Variants in BACH2 observed in about 807,000 individuals in gnomAD.
The protein encoded by BACH2 is transcription regulator protein BACH2.
In BACH2, 5 loss-of-function variants were observed where a neutral mutation model predicts 61.8. That is an observed-to-expected ratio of 0.08 (90% CI 0.04 to 0.17). The LOEUF is 0.17. Among genes scored for constraint, BACH2 ranks in the 10% least tolerant of loss-of-function variants. BACH2 has a pLI of 1.00. For missense variants in BACH2, 824 were observed against 1,091.1 expected (o/e 0.76, Z 3.45); for synonymous variants, 446 against 440.1 (o/e 1.01, Z -0.17).
At chr6:89,962,094 C>T (rs1774777095) in intron 6 of BACH2, among the ~76,000 whole-genome samples, 1 of 150,912 alleles carries the variant, frequency 6.6e-6, no homozygotes, top group Admixed American at 6.6e-5. Context: ...AATTACGATG[C>T]AATTTCTGAT....
At chr6:90,058,323 C>G (rs997696476) in intron 5 of BACH2, among the ~76,000 whole-genome samples, 2 of 152,222 alleles carry the variant, frequency 1.3e-5, no homozygotes. Context: ...TTCTTATACA[C>G]CAATAACAGA....
chr6:90,033,255 T>G (rs1278117699), intron 5 of BACH2, among the ~76,000 whole-genome samples: 1 of 151,412 alleles, frequency 6.6e-6, no homozygotes, highest in Non-Finnish European at 1.5e-5. Flanking sequence ...ATACCTAATG[T>G]TAAATGACGT....
intron 5 of BACH2, among the ~76,000 whole-genome samples, chr6:90,081,750 A>G (rs1213251785): frequency 6.6e-6 from 1 of 152,142 alleles, no homozygotes; most frequent in African/African-American, 2.4e-5. Context: ...TGCTTACTAA[A>G]TACTTCCTAT....
At chr6:90,203,464 A>G (rs1769028182) in intron 4 of BACH2, among the ~76,000 whole-genome samples, 1 of 151,786 alleles carries the variant, frequency 6.6e-6, no homozygotes, top group Non-Finnish European at 1.5e-5. Context: ...AAGATTGGAA[A>G]GTCAGCTCTT....
chr6:90,291,706 A>C (rs1772184884), intron 1 of BACH2, among the ~76,000 whole-genome samples: 1 of 152,086 alleles, frequency 6.6e-6, no homozygotes, highest in Admixed American at 6.5e-5. Context: ...TTTGGACATG[A>C]ACAGTTTGTA....
intron 4 of BACH2, among the ~76,000 whole-genome samples, chr6:90,109,075 C>T (rs1251130369): frequency 1.3e-5 from 2 of 152,318 alleles, no homozygotes; most frequent in Non-Finnish European, 2.9e-5. Context: ...CCTTTCTCTG[C>T]CCCTGTTCTG....
intron 3 of BACH2, among the ~76,000 whole-genome samples, chr6:90,220,156 A>G (rs1769691958): frequency 6.6e-6 from 1 of 152,166 alleles, no homozygotes; most frequent in Non-Finnish European, 1.5e-5. Flanking sequence ...AATGTTTCCA[A>G]AGTATTTACC....
intron 5 of BACH2, among the ~76,000 whole-genome samples, chr6:90,024,031 C>G (rs1778510292): frequency 1.3e-5 from 2 of 152,200 alleles, no homozygotes; most frequent in Non-Finnish European, 2.9e-5. Context: ...GAAAGGGACA[C>G]CGTGGGGTTT....
At chr6:90,243,849 T>C (rs1203346713) in intron 3 of BACH2, among the ~76,000 whole-genome samples, 3 of 152,214 alleles carry the variant, frequency 2.0e-5, no homozygotes, top group African/African-American at 7.2e-5. Flanking sequence ...CATCTACCTT[T>C]ATGTAGTAAA....
At chr6:90,264,279 G>A (rs931237416) in intron 2 of BACH2, among the ~76,000 whole-genome samples, 1 of 152,098 alleles carries the variant, frequency 6.6e-6, no homozygotes, top group Non-Finnish European at 1.5e-5. Flanking sequence ...CAGAAATGAT[G>A]CTGAGGTCTT....
At chr6:90,111,990 A>G (rs1783192691) in intron 4 of BACH2, among the ~76,000 whole-genome samples, 1 of 152,258 alleles carries the variant, frequency 6.6e-6, no homozygotes, top group Non-Finnish European at 1.5e-5. Context: ...ATGTAAGGTA[A>G]GGGAAATGAT....
chr6:90,031,007 T>C (rs1222904197), intron 5 of BACH2, among the ~76,000 whole-genome samples: 1 of 131,830 alleles, frequency 7.6e-6, no homozygotes, highest in Non-Finnish European at 1.5e-5. Flanking sequence ...TTATCCACCA[T>C]GATCAAGTGG....
Position 89,987,677 on chromosome 6 carries a change from G to A in BACH2, c.243+20925C>T, listed in dbSNP as rs150728895. On this transcript the variant is annotated intron_variant, in intron 6 of 8. Transcript: ENST00000257749. ...TCACGGTTGTATAAAATGGAGGAAG[G>A]AGCTCTCTTCAGTGGTGGTGAGCTC... Among the ~76,000 whole-genome samples, 12 of 152,182 alleles carry A rather than the reference G, an allele frequency of 7.9e-5. No individual in the cohort carries two copies. In the East Asian group the frequency reaches 2.3e-3, roughly 29 times the overall value.
At chr6:90,167,258 A>ACT (rs1232238208) in intron 4 of BACH2, among the ~76,000 whole-genome samples, 22 of 152,354 alleles carry the variant, frequency 1.4e-4, no homozygotes, top group Middle Eastern at 6.8e-3. Context: ...TTAAAAAACT[A>ACT]GTTAGTGAAC....
At chr6:90,089,594 A>G (rs1272842190) in intron 4 of BACH2, among the ~76,000 whole-genome samples, 1 of 152,192 alleles carries the variant, frequency 6.6e-6, no homozygotes, top group Non-Finnish European at 1.5e-5. Flanking sequence ...TTTAAAATTA[A>G]TATTTATTTT....
In BACH2 at chr6:89,932,193, T is replaced by G. The variant is rs1772692123; in HGVS notation, c.*215A>C. On this transcript the variant is annotated 3_prime_UTR_variant, in exon 9 of 9. Transcript: ENST00000257749. ...CAGTGTCATCACTGCTGTCTTTCCT[T>G]GCCTGGGCAAGGGGTAGCACCATTG... 1.6e-6 allele frequency: 1 copy of G among 610,618 alleles called. No homozygotes were observed. Among genetic ancestry groups the G allele is most frequent in the Non-Finnish European group, 2.8e-6 (1 of 359,438 alleles). 37.8% of individuals were successfully genotyped at this position (610,618 alleles called of 1,614,324 possible).
chr6:89,936,471 T>C (rs555654420), intron 8 of BACH2, among the ~76,000 whole-genome samples: 1 of 152,130 alleles, frequency 6.6e-6, no homozygotes, highest in East Asian at 1.9e-4. Flanking sequence ...ACAAAGGAGA[T>C]AGAAAAAGTG....
At chr6:90,206,156 G>T (rs1406331277) in intron 4 of BACH2, among the ~76,000 whole-genome samples, 3 of 152,134 alleles carry the variant, frequency 2.0e-5, no homozygotes. Context: ...TATCAGGTAG[G>T]TATCATTATT....
At chr6:90,087,889 A>G (rs768063031) in intron 5 of BACH2, among the ~76,000 whole-genome samples, 10 of 152,110 alleles carry the variant, frequency 6.6e-5, no homozygotes, top group Non-Finnish European at 4.4e-5. Context: ...AAACAATCCA[A>G]TTACACATTT....
Sources: allele counts gnomAD v4.1 joint callset (sites outside exome capture counted in the v4.1 genomes callset), GRCh38; gene constraint gnomAD v4.1.1; transcripts MANE v1.5; gene names NCBI Gene and HGNC (gene_info 2026-07-23, HGNC 2026-07-21).